Variants in IQGAP1 observed in about 807,000 individuals in gnomAD.
IQGAP1 encodes the protein ras GTPase-activating-like protein IQGAP1.
In IQGAP1, 66 loss-of-function variants were observed where a neutral mutation model predicts 215.6. That is an observed-to-expected ratio of 0.31 (90% CI 0.25 to 0.38). The LOEUF is 0.38. Among genes scored for constraint, IQGAP1 ranks in the 10% least tolerant of loss-of-function variants. IQGAP1 has a pLI of 1.00. For missense variants in IQGAP1, 1,712 were observed against 1,997.1 expected (o/e 0.86, Z 2.72); for synonymous variants, 772 against 728.7 (o/e 1.06, Z -0.96).
intron 15 of IQGAP1, among the ~76,000 whole-genome samples, chr15:90,461,983 C>A (rs28448430): frequency 0.013 from 1,120 of 85,508 alleles, 35 homozygotes; most frequent in East Asian, 0.11. Context: ...ACTAAAAACA[C>A]AAAAAAAAAA....
At position 90,492,722 on chromosome 15, in the gene IQGAP1, T is replaced by G; in HGVS notation, c.4628+11T>G. On this transcript the variant is annotated intron_variant, in intron 35 of 37. Coordinates refer to ENST00000268182, the MANE Select transcript of IQGAP1 (RefSeq NM_003870.4). Reference sequence around the variant, plus strand: ...AGCCAGCAAGGGCAAGTGAGTATTTTTTCTTTTTAAAGAATCAATGTCAGA... The same window carrying G: ...AGCCAGCAAGGGCAAGTGAGTATTTGTTCTTTTTAAAGAATCAATGTCAGA... 6.3e-7 allele frequency: 1 copy of G among 1,596,092 alleles called. No individual in the cohort carries two copies. Among genetic ancestry groups the G allele is most frequent in the Non-Finnish European group, 8.5e-7 (1 of 1,174,038 alleles).
chr15:90,464,966 G>T (rs929748931), intron 15 of IQGAP1, among the ~76,000 whole-genome samples: 3 of 152,122 alleles, frequency 2.0e-5, no homozygotes, highest in Non-Finnish European at 4.4e-5. Flanking sequence ...AAAGAAACTT[G>T]TCTTAACGAA....
At chr15:90,465,853 C>G in intron 15 of IQGAP1, 148 bp from the exon 16 acceptor site, 1 of 647,554 alleles carries the variant, frequency 1.5e-6, no homozygotes, top group South Asian at 1.8e-5. Context: ...TTGATGCCTC[C>G]TTCTTCCATT....
At chr15:90,464,345 C>T (rs536812549) in intron 15 of IQGAP1, among the ~76,000 whole-genome samples, 1 of 152,160 alleles carries the variant, frequency 6.6e-6, no homozygotes, top group Admixed American at 6.5e-5. Context: ...AATAAAGAAC[C>T]CCCACTCTTT....
At chr15:90,435,524 C>A (rs1385738316) in intron 5 of IQGAP1, among the ~76,000 whole-genome samples, 1 of 152,198 alleles carries the variant, frequency 6.6e-6, no homozygotes, top group African/African-American at 2.4e-5. Context: ...GAGTCCAGAT[C>A]AGATTAATTC....
At chr15:90,393,327 A>G (rs1964663936) in intron 2 of IQGAP1, among the ~76,000 whole-genome samples, 1 of 152,142 alleles carries the variant, frequency 6.6e-6, no homozygotes, top group Non-Finnish European at 1.5e-5. Flanking sequence ...ATACTTGAAA[A>G]CATCTCTAGA....
intron 32 of IQGAP1, among the ~76,000 whole-genome samples, 186 bp downstream of exon 32, chr15:90,487,275 T>C (rs1338803056): frequency 6.6e-6 from 1 of 152,210 alleles, no homozygotes; most frequent in African/African-American, 2.4e-5. Flanking sequence ...TTTGCTAATA[T>C]GCTACAGTGA....
At chr15:90,488,230 TAATA>T (rs76285758) in intron 33 of IQGAP1, among the ~76,000 whole-genome samples, 2,343 of 147,684 alleles carry the variant, frequency 0.016, 16 homozygotes, top group Non-Finnish European at 0.022. Context: ...CAAAAAATAA[TAATA>T]AATAAATAAA....
At chr15:90,475,315 A>G (rs1353630666) in intron 23 of IQGAP1, among the ~76,000 whole-genome samples, 1 of 152,004 alleles carries the variant, frequency 6.6e-6, no homozygotes, top group Non-Finnish European at 1.5e-5. Flanking sequence ...CATTTTTAGT[A>G]GAGACGGGGG....
chr15:90,395,914 C>T (rs774977236), intron 2 of IQGAP1, among the ~76,000 whole-genome samples: 2 of 152,156 alleles, frequency 1.3e-5, no homozygotes, highest in African/African-American at 2.4e-5. Flanking sequence ...CAGACAATTC[C>T]TGGTGTGCGC....
At chr15:90,397,134 G>A (rs1451549643) in intron 2 of IQGAP1, among the ~76,000 whole-genome samples, 1 of 152,158 alleles carries the variant, frequency 6.6e-6, no homozygotes, top group Non-Finnish European at 1.5e-5. Flanking sequence ...GATTATAGGC[G>A]TGAGCCACTG....
chr15:90,471,124 TCAAA>T (rs762682693), intron 18 of IQGAP1, among the ~76,000 whole-genome samples: 5 of 152,102 alleles, frequency 3.3e-5, no homozygotes, highest in Non-Finnish European at 7.4e-5. Context: ...AGCAGACACC[TCAAA>T]CACAGTTTAA....
intron 3 of IQGAP1, among the ~76,000 whole-genome samples, chr15:90,426,693 G>A (rs893540748): frequency 5.9e-5 from 9 of 152,072 alleles, no homozygotes; most frequent in Non-Finnish European, 1.0e-4. Flanking sequence ...GGTGGCTCAC[G>A]CCGGTAATCC....
intron 3 of IQGAP1, among the ~76,000 whole-genome samples, chr15:90,428,276 T>C (rs1317875059): frequency 6.6e-6 from 1 of 151,202 alleles, no homozygotes; most frequent in African/African-American, 2.4e-5. Context: ...GGGGTCTCAC[T>C]ATGTTGCCCA....
intron 2 of IQGAP1, among the ~76,000 whole-genome samples, chr15:90,410,901 A>G (rs1308695320): frequency 1.3e-5 from 2 of 152,030 alleles, no homozygotes; most frequent in East Asian, 3.8e-4. Flanking sequence ...AGAAAAAGAA[A>G]AAGAAATTTC....
chr15:90,457,891 A>G (rs955944892), intron 15 of IQGAP1, among the ~76,000 whole-genome samples: 1 of 152,220 alleles, frequency 6.6e-6, no homozygotes, highest in Non-Finnish European at 1.5e-5. Flanking sequence ...TTTTGTGACA[A>G]CTTAATTGAA....
At chr15:90,473,539 T>C in intron 19 of IQGAP1, 176 bp from the exon 20 acceptor site, 1 of 589,332 alleles carries the variant, frequency 1.7e-6, no homozygotes, top group Non-Finnish European at 3.0e-6. Flanking sequence ...AGCCATCGTG[T>C]TCTTCCAGTG....
chr15:90,423,795 C>T (rs988298952), intron 2 of IQGAP1, among the ~76,000 whole-genome samples: 1 of 152,190 alleles, frequency 6.6e-6, no homozygotes, highest in African/African-American at 2.4e-5. Flanking sequence ...CTATAGGAAA[C>T]ATCTAAGTCA....
At chr15:90,479,003 T>C (rs1966018042) in intron 26 of IQGAP1, among the ~76,000 whole-genome samples, 1 of 152,194 alleles carries the variant, frequency 6.6e-6, no homozygotes, top group African/African-American at 2.4e-5. Context: ...AAAACGTTTC[T>C]GGTTTTATTT....
Sources: allele counts gnomAD v4.1 joint callset (sites outside exome capture counted in the v4.1 genomes callset), GRCh38; gene constraint gnomAD v4.1.1; transcripts MANE v1.5; gene names NCBI Gene and HGNC (gene_info 2026-07-23, HGNC 2026-07-21).